The following CTCF variants were observed in gnomAD, a reference collection of about 807,000 sequenced individuals.
CTCF encodes transcriptional repressor CTCF.
In CTCF, 7 loss-of-function variants were observed where a neutral mutation model predicts 72.3. That is an observed-to-expected ratio of 0.10 (90% CI 0.06 to 0.18). The LOEUF (loss-of-function observed/expected upper bound fraction) is 0.18, where lower values mean the gene tolerates loss of function less well. Among genes scored for constraint, CTCF ranks in the 10% least tolerant of loss-of-function variants. The pLI is 1.00. For synonymous variants in CTCF, 374 were observed against 315.8 expected, an observed-to-expected ratio of 1.18 and a Z score of -1.95; for missense variants, 516 against 949.1, an observed-to-expected ratio of 0.54 and a Z score of 6.00.
At chr16:67,579,754 A>G (rs1270729784) in intron 2 of CTCF, among the ~76,000 whole-genome samples, 1 of 152,166 alleles carries the variant, frequency 6.6e-6, no homozygotes, top group Non-Finnish European at 1.5e-5. Context: ...TCTTATATAC[A>G]CATCTTTAGG....
intron 1 of CTCF, among the ~76,000 whole-genome samples, chr16:67,566,274 C>T (rs2051341823): frequency 2.0e-5 from 3 of 151,860 alleles, no homozygotes; most frequent in African/African-American, 4.8e-5. Context: ...GAGGCTGAGG[C>T]GGGCGGATCA....
In CTCF at chr16:67,589,318, T is replaced by G. The variant is rs577082791; in HGVS notation, c.-10+18054T>G. ...CGCACCTCTTAAAAAAGATAAATAATTATAATAATATTAATTTGAGATGGC... is the reference window on the plus strand; with the variant it reads ...CGCACCTCTTAAAAAAGATAAATAAGTATAATAATATTAATTTGAGATGGC... On this transcript the variant is annotated intron_variant, in intron 2 of 11. Transcript: ENST00000264010. Among the ~76,000 whole-genome samples the G allele has an allele frequency of 2.0e-5, 3 of 152,168 alleles. No individual in the cohort carries two copies. The East Asian group carries it at 5.8e-4, about 29-fold the overall frequency.
At chr16:67,564,228 CTT>C (rs1019653553) in intron 1 of CTCF, among the ~76,000 whole-genome samples, 1 of 152,206 alleles carries the variant, frequency 6.6e-6, no homozygotes, top group African/African-American at 2.4e-5. Flanking sequence ...TTGCGGGAGT[CTT>C]TTGCTTTTCC....
chr16:67,620,768 T>C lies in CTCF; in HGVS notation c.1158T>C (p.Tyr386=), dbSNP rs751511039. ...CGTTTCAGTGCAGTTTGTGCAGTTA[T>C]GCCAGCAGGGACACATACAAGCTGA... The part of the protein sequence containing the change: ...ERPFQCSLCS[Y]ASRDTYKLKR... Residue 386 remains tyrosine (Y), a synonymous_variant, in exon 6 of 12, where the codon TAT becomes TAC. Transcript: ENST00000264010. 20 of 1,605,694 alleles carry C rather than the reference T, an allele frequency of 1.2e-5. No individual in the cohort carries two copies. Among genetic ancestry groups the C allele is most frequent in the African/African-American group, 8.0e-5 (6 of 74,850 alleles).
intron 2 of CTCF, among the ~76,000 whole-genome samples, chr16:67,605,527 C>T (rs1567606049): frequency 1.3e-5 from 2 of 152,154 alleles, no homozygotes; most frequent in African/African-American, 2.4e-5. Flanking sequence ...ACTGGCAATC[C>T]AACAACCTCG....
chr16:67,624,071 ATGTG>A (rs58387336), intron 7 of CTCF, among the ~76,000 whole-genome samples: 6,352 of 117,482 alleles, frequency 0.054, 186 homozygotes, highest in East Asian at 0.12. Context: ...AAAATTATAT[ATGTG>A]TGTGTGTGTG....
At chr16:67,635,183 G>A (rs978453808) in intron 10 of CTCF, among the ~76,000 whole-genome samples, 11 of 150,908 alleles carry the variant, frequency 7.3e-5, no homozygotes, top group African/African-American at 2.2e-4. Flanking sequence ...CATCACACCC[G>A]GCTAATTTTT....
rs146836745 is a variant in CTCF at position 67,621,344 on chromosome 16, C to G, written c.1208-98C>G. 7,672 of 852,738 alleles carry G rather than the reference C, an allele frequency of 9.0e-3. 48 individuals carry two copies. Among genetic ancestry groups the G allele is most frequent in the Non-Finnish European group, 0.011 (5,626 of 531,052 alleles). 52.8% of individuals were successfully genotyped at this position (852,738 alleles called of 1,614,324 possible). On this transcript the variant is annotated intron_variant, in intron 6 of 11. Coordinates refer to ENST00000264010, the MANE Select transcript of CTCF (RefSeq NM_006565.4). ...TCAGCCTTCCTAAGACCTGTAGATT[C>G]TCTGTGGTGTAGCATATCTGCCACC... is the stretch of plus-strand genomic sequence containing the variant.
intron 2 of CTCF, among the ~76,000 whole-genome samples, chr16:67,577,438 T>C (rs1178792706): frequency 6.6e-6 from 1 of 150,968 alleles, no homozygotes; most frequent in East Asian, 1.9e-4. Context: ...TAGACTTCTT[T>C]TTTTTTTTTT....
chr16:67,614,734 C>T (rs1229319291), intron 4 of CTCF: 1 of 152,472 alleles, frequency 6.6e-6, no homozygotes, highest in African/African-American at 2.4e-5. Context: ...GTAATCCCAA[C>T]TACTCGGGAG....
At position 67,611,535 on chromosome 16, in the gene CTCF, G is replaced by T; in HGVS notation, c.703G>T (p.Gly235Cys). ...VYDFEEEQQEGLLSEVNAEKV... is the reference protein window; with the variant it reads ...VYDFEEEQQECLLSEVNAEKV... The stretch of plus-strand genomic sequence containing the variant: ...CGATTTTGAGGAAGAACAGCAGGAG[G>T]GTCTGCTATCAGAGGTTAATGCAGA... Residue 235 changes from glycine (G) to cysteine (C), a missense_variant, in exon 3 of 12, where the codon GGT (glycine) becomes TGT (cysteine). Gly to Cys is a radical substitution (Grantham distance 159). Transcript: ENST00000264010. 1.2e-6 allele frequency: 2 copies of T among 1,613,876 alleles called. No individual in the cohort carries two copies. The highest frequency in any genetic ancestry group is 1.3e-5 in the African/African-American group (1 of 75,024).
At chr16:67,573,691 C>T (rs1199935510) in intron 2 of CTCF, among the ~76,000 whole-genome samples, 1 of 151,786 alleles carries the variant, frequency 6.6e-6, no homozygotes, top group Admixed American at 6.6e-5. Context: ...AACTCTCAAG[C>T]CCAGGTTTTT....
At chr16:67,600,571 G>GTC (rs138612390) in intron 2 of CTCF, among the ~76,000 whole-genome samples, 6,358 of 152,078 alleles carry the variant, frequency 0.042, 139 homozygotes, top group Non-Finnish European at 0.055. Flanking sequence ...TAGAGATGGG[G>GTC]TCTCCCCATG....
chr16:67,621,614 A>G (rs937811526), intron 7 of CTCF, 23 bp downstream of exon 7: 1 of 1,551,978 alleles, frequency 6.4e-7, no homozygotes, highest in Non-Finnish European at 8.8e-7. Context: ...ACTAGTGAGA[A>G]GTGAAAAAAA....
intron 2 of CTCF, among the ~76,000 whole-genome samples, chr16:67,581,802 G>A (rs1301147491): frequency 1.3e-5 from 2 of 151,922 alleles, no homozygotes; most frequent in African/African-American, 2.4e-5. Context: ...AGCACACAGC[G>A]CTAATTTTTG....
At chr16:67,607,299 T>C (rs2051987111) in intron 2 of CTCF, among the ~76,000 whole-genome samples, 1 of 151,662 alleles carries the variant, frequency 6.6e-6, no homozygotes, top group Non-Finnish European at 1.5e-5. Flanking sequence ...ACAAGATTTT[T>C]GTTTGTTTTT....
chr16:67,629,551 TG>T lies in CTCF; in HGVS notation c.1837+19del. ...TGACAGTGGTAAGTGACTTGTTCCT[TG>T]ATTTGCTTACTATGGCAGGCTTTGG... On this transcript the variant is annotated intron_variant, in intron 10 of 11. Coordinates refer to ENST00000264010, the MANE Select transcript of CTCF (RefSeq NM_006565.4). 6.2e-7 allele frequency: 1 copy of T among 1,611,372 alleles called. No individual in the cohort carries two copies. Among genetic ancestry groups the T allele is most frequent in the South Asian group, 1.1e-5 (1 of 90,724 alleles).
intron 4 of CTCF, among the ~76,000 whole-genome samples, chr16:67,614,075 C>T (rs955714233): frequency 2.0e-5 from 3 of 151,952 alleles, no homozygotes; most frequent in East Asian, 1.9e-4. Context: ...AGCCGGGCGC[C>T]GTAGCTCTCG....
intron 2 of CTCF, among the ~76,000 whole-genome samples, chr16:67,610,265 G>T (rs2052042556): frequency 6.6e-6 from 1 of 151,882 alleles, no homozygotes; most frequent in Non-Finnish European, 1.5e-5. Flanking sequence ...CCTGTTAATT[G>T]GGTTGGATCT....
Sources: allele counts gnomAD v4.1 joint callset (sites outside exome capture counted in the v4.1 genomes callset), GRCh38; gene constraint gnomAD v4.1.1; transcripts MANE v1.5; gene names NCBI Gene and HGNC (gene_info 2026-07-23, HGNC 2026-07-21).